The following ARHGAP10 variants were observed in gnomAD, a reference collection of about 807,000 sequenced individuals.
ARHGAP10 encodes Rho GTPase activating protein 10.
Under a neutral mutation model 108.6 loss-of-function variants are expected in ARHGAP10, and 87 were observed. The ratio of observed to expected loss-of-function variants is 0.80; its 90% CI spans 0.67 to 0.96. The LOEUF (loss-of-function observed/expected upper bound fraction) is 0.96, where lower values mean the gene tolerates loss of function less well. ARHGAP10 is among the 40% of genes least tolerant of loss of function. ARHGAP10 has a pLI of 0.00. For synonymous variants in ARHGAP10, 347 were observed against 341.1 expected (o/e 1.02, Z -0.19); for missense variants, 939 against 954.5 (o/e 0.98, Z 0.21).
At chr4:147,982,993 G>A (rs1446782256) in intron 18 of ARHGAP10, among the ~76,000 whole-genome samples, 1 of 151,544 alleles carries the variant, frequency 6.6e-6, no homozygotes, top group Non-Finnish European at 1.5e-5. Context: ...TGATTCTTCC[G>A]CCTCAGTCTT....
intron 5 of ARHGAP10, among the ~76,000 whole-genome samples, chr4:147,858,755 G>T (rs1734198856): frequency 6.6e-6 from 1 of 152,118 alleles, no homozygotes; most frequent in South Asian, 2.1e-4. Context: ...TATGCTAGCA[G>T]TTCTCTACCT....
At chr4:147,751,838 A>G (rs1052459176) in intron 1 of ARHGAP10, among the ~76,000 whole-genome samples, 1 of 150,104 alleles carries the variant, frequency 6.7e-6, no homozygotes, top group African/African-American at 2.5e-5. Flanking sequence ...GTACTCATCT[A>G]GGTAGCTGAG....
At chr4:147,787,764 G>A (rs1195451866) in intron 1 of ARHGAP10, among the ~76,000 whole-genome samples, 2 of 152,016 alleles carry the variant, frequency 1.3e-5, no homozygotes, top group Admixed American at 6.6e-5. Context: ...GAATCCTGTC[G>A]CCTTGTGTGC....
chr4:148,015,453 C>G lies in ARHGAP10; in HGVS notation c.1717-7810C>G, dbSNP rs117898721. On this transcript the variant is annotated intron_variant, in intron 18 of 22. Coordinates refer to ENST00000336498, the MANE Select transcript of ARHGAP10 (RefSeq NM_024605.4). ...GGGATAACTAGGATACTTTCCAGCT[C>G]CAAGATTCTGAGTTTTAGTGAACCA... Among the ~76,000 whole-genome samples the G allele has an allele frequency of 3.7e-4, 56 of 152,258 alleles. 1 individual carries two copies. In the East Asian group the frequency reaches 8.9e-3, roughly 24 times the overall value.
At chr4:148,010,920 CATTAT>C (rs1741147517) in intron 18 of ARHGAP10, among the ~76,000 whole-genome samples, 1 of 152,196 alleles carries the variant, frequency 6.6e-6, no homozygotes, top group African/African-American at 2.4e-5. Flanking sequence ...CAGGATCATA[CATTAT>C]ATTTAATAAT....
chr4:147,963,823 G>A (rs1739095085), intron 16 of ARHGAP10, among the ~76,000 whole-genome samples: 1 of 152,186 alleles, frequency 6.6e-6, no homozygotes, highest in South Asian at 2.1e-4. Flanking sequence ...CCCTTGGCTT[G>A]TGGGTCCTTC....
chr4:147,982,932 G>A (rs571644482), intron 18 of ARHGAP10, among the ~76,000 whole-genome samples: 1 of 152,160 alleles, frequency 6.6e-6, no homozygotes, highest in African/African-American at 2.4e-5. Flanking sequence ...CCAGGCTGGA[G>A]TGCACTGGTA....
chr4:147,998,432 A>G (rs1019620899), intron 18 of ARHGAP10, among the ~76,000 whole-genome samples: 6 of 152,244 alleles, frequency 3.9e-5, no homozygotes, highest in African/African-American at 9.6e-5. Flanking sequence ...AAACAGTTAA[A>G]TCTTTGGATA....
chr4:147,761,871 A>G, intron 1 of ARHGAP10, among the ~76,000 whole-genome samples: 1 of 151,974 alleles, frequency 6.6e-6, no homozygotes, highest in Non-Finnish European at 1.5e-5. Flanking sequence ...TTAAATGAGT[A>G]GCCACTTGCT....
intron 18 of ARHGAP10, among the ~76,000 whole-genome samples, chr4:147,977,402 A>G (rs912868476): frequency 2.0e-5 from 3 of 152,158 alleles, no homozygotes; most frequent in Non-Finnish European, 4.4e-5. Flanking sequence ...GCTAGTGCTC[A>G]CTATGTATTT....
At chr4:147,963,066 C>A (rs1215288744) in intron 16 of ARHGAP10, among the ~76,000 whole-genome samples, 1 of 152,102 alleles carries the variant, frequency 6.6e-6, no homozygotes, top group Admixed American at 6.6e-5. Flanking sequence ...TCAGGCATAC[C>A]TTCCCCAAAT....
intron 16 of ARHGAP10, among the ~76,000 whole-genome samples, chr4:147,956,621 T>C (rs1229055412): frequency 1.3e-5 from 2 of 152,124 alleles, no homozygotes; most frequent in African/African-American, 2.4e-5. Flanking sequence ...TTAAACTTAG[T>C]TGGAGGACAA....
chr4:147,831,941 A>G (rs182604590), intron 3 of ARHGAP10, among the ~76,000 whole-genome samples: 1 of 152,162 alleles, frequency 6.6e-6, no homozygotes, highest in South Asian at 2.1e-4. Flanking sequence ...ACTCATTATC[A>G]TCTGTGGCCT....
At chr4:147,892,660 G>A (rs1735833067) in intron 10 of ARHGAP10, among the ~76,000 whole-genome samples, 1 of 152,036 alleles carries the variant, frequency 6.6e-6, no homozygotes, top group Non-Finnish European at 1.5e-5. Flanking sequence ...TTGAAGATGA[G>A]GTAACCAGTT....
At chr4:148,052,412 T>G (rs1358338139) in intron 20 of ARHGAP10, among the ~76,000 whole-genome samples, 15 of 143,796 alleles carry the variant, frequency 1.0e-4, no homozygotes, top group African/African-American at 3.0e-4. Flanking sequence ...TTTTTTTTTT[T>G]GGGCTAATTG....
At chr4:147,876,448 C>T (rs528016474) in intron 8 of ARHGAP10, among the ~76,000 whole-genome samples, 2 of 152,116 alleles carry the variant, frequency 1.3e-5, no homozygotes, top group South Asian at 4.2e-4. Flanking sequence ...AAAAAATCAG[C>T]AGGGCGTAGT....
chr4:147,923,150 G>A (rs1737317536), intron 13 of ARHGAP10, among the ~76,000 whole-genome samples: 1 of 152,158 alleles, frequency 6.6e-6, no homozygotes, highest in African/African-American at 2.4e-5. Context: ...ATAACATGTA[G>A]GATTGTTTTT....
At chr4:147,979,624 C>A (rs143532723) in intron 18 of ARHGAP10, among the ~76,000 whole-genome samples, 1 of 151,858 alleles carries the variant, frequency 6.6e-6, no homozygotes, top group East Asian at 1.9e-4. Flanking sequence ...TTGCTTTGGG[C>A]GGTATGGAGA....
Position 147,839,096 on chromosome 4 carries a change from C to G in ARHGAP10, c.313-8055C>G, listed in dbSNP as rs181339301. ...TCCTTTATGTTTAGATCTATCGTAT[C>G]TATCTATCTATCTATCTATCTATCT... is the stretch of plus-strand genomic sequence containing the variant. On this transcript the variant is annotated intron_variant, in intron 3 of 22. Coordinates refer to ENST00000336498, the MANE Select transcript of ARHGAP10 (RefSeq NM_024605.4). 2.1e-4 allele frequency among the ~76,000 whole-genome samples: 11 copies of G among 52,010 alleles called. No homozygotes were observed. The East Asian group carries it at 3.4e-3, about 16-fold the overall frequency. 34.1% of individuals were successfully genotyped at this position (52,010 alleles called of 152,430 possible).
Sources: allele counts gnomAD v4.1 joint callset (sites outside exome capture counted in the v4.1 genomes callset), GRCh38; gene constraint gnomAD v4.1.1; transcripts MANE v1.5; gene names NCBI Gene and HGNC (gene_info 2026-07-23, HGNC 2026-07-21).